The following CCSER2 variants were observed in gnomAD, a reference collection of about 807,000 sequenced individuals.
CCSER2 encodes coiled-coil serine rich protein 2, also known as serine-rich coiled-coil domain-containing protein 2.
CCSER2 carries 46 observed loss-of-function variants against 92.3 expected under a neutral mutation model. The observed-to-expected ratio is 0.50, with a 90% CI of 0.39 to 0.64. The LOEUF is 0.64. Among genes scored for constraint, CCSER2 ranks in the 30% least tolerant of loss-of-function variants. The pLI is 0.00. For missense variants in CCSER2, 1,244 were observed against 1,238.9 expected (o/e 1.00, Z -0.06); for synonymous variants, 433 against 431.4 (o/e 1.00, Z -0.04).
At chr10:84,466,396 C>T (rs977947527) in intron 7 of CCSER2, among the ~76,000 whole-genome samples, 6 of 152,194 alleles carry the variant, frequency 3.9e-5, no homozygotes, top group Non-Finnish European at 5.9e-5. Context: ...TAGCTCTCTC[C>T]AAGTTCCATG....
rs138614490 is a variant in CCSER2, at chr10:84,488,519, T to C, written c.2325+10855T>C. Among the ~76,000 whole-genome samples, 124 of 152,352 alleles carry C rather than the reference T, an allele frequency of 8.1e-4. 1 individual carries two copies. The highest frequency in any genetic ancestry group is 2.8e-3 in the African/African-American group (116 of 41,588). On this transcript the variant is annotated intron_variant, in intron 9 of 9. Coordinates refer to ENST00000372088, the MANE Select transcript of CCSER2 (RefSeq NM_001284240.2). ...TCCATTTCTTTTAGATTTTCTAGTT[T>C]ATTTGCATAGAGGTGTTTATGGTAT...
At chr10:84,439,198 C>CTTTTTTTTTTTTTTTTTTTTTTT (rs10654679) in intron 6 of CCSER2, among the ~76,000 whole-genome samples, 1 of 139,796 alleles carries the variant, frequency 7.2e-6, no homozygotes. Context: ...TTTTTCTTTT[C>CTTTTTTTTTTTTTTTTTTTTTTT]TTTTTTTTTT....
intron 1 of CCSER2, among the ~76,000 whole-genome samples, chr10:84,348,470 AGAGAGGGAGAGGGAGACCGTGGG>A (rs1198648798): frequency 9.2e-5 from 14 of 151,678 alleles, no homozygotes; most frequent in African/African-American, 2.7e-4. Flanking sequence ...GACCATGGAA[AGAGAGGGAGAGGGAGACCGTGGG>A]GAGAGGAAGA....
intron 3 of CCSER2, among the ~76,000 whole-genome samples, chr10:84,392,316 C>CAAAAAAAAAA (rs71473611): frequency 5.0e-4 from 27 of 53,794 alleles, no homozygotes; most frequent in South Asian, 1.9e-3. Context: ...TCTGAAGAAG[C>CAAAAAAAAAA]AAAAAAAAAA....
At chr10:84,386,849 C>A (rs1021463141) in intron 3 of CCSER2, among the ~76,000 whole-genome samples, 4 of 152,188 alleles carry the variant, frequency 2.6e-5, no homozygotes, top group Non-Finnish European at 2.9e-5. Context: ...AAATCATATA[C>A]TGCATGTTCT....
intron 6 of CCSER2, among the ~76,000 whole-genome samples, chr10:84,457,295 A>ATATAT (rs1845739028): frequency 1.3e-5 from 1 of 77,788 alleles, no homozygotes; most frequent in South Asian, 3.0e-4. Context: ...ATTATATATT[A>ATATAT]TATATAATAT....
At chr10:84,448,460 A>G (rs1232203823) in intron 6 of CCSER2, among the ~76,000 whole-genome samples, 3 of 152,066 alleles carry the variant, frequency 2.0e-5, no homozygotes, top group Admixed American at 1.3e-4. Context: ...CTTTCAACCT[A>G]CTTAGGCTCT....
chr10:84,371,158 G>A lies in CCSER2; in HGVS notation c.106G>A (p.Val36Ile). 1 of 1,613,456 alleles carries A rather than the reference G, an allele frequency of 6.2e-7. No individual in the cohort carries two copies. Among genetic ancestry groups the A allele is most frequent in the Non-Finnish European group, 8.5e-7 (1 of 1,179,710 alleles). Residue 36 changes from valine to isoleucine, a missense_variant, in exon 2 of 10, where the codon GTT becomes ATT. Physicochemically the swap from Val to Ile is conservative, Grantham distance 29. Coordinates refer to ENST00000372088, the MANE Select transcript of CCSER2 (RefSeq NM_001284240.2). ...TLQPMPNGTP[V>I]NLLGTSKNSN... ...GCAGCCAATGCCAAATGGGACACCT[G>A]TTAATTTATTAGGAACTTCCAAGAA...
intron 4 of CCSER2, among the ~76,000 whole-genome samples, chr10:84,422,994 G>A (rs1843227973): frequency 6.6e-6 from 1 of 151,656 alleles, no homozygotes; most frequent in African/African-American, 2.4e-5. Context: ...GGCGGAGGCT[G>A]CAGTGAGGCA....
At chr10:84,345,723 C>T (rs1844439263) in intron 1 of CCSER2, among the ~76,000 whole-genome samples, 1 of 152,108 alleles carries the variant, frequency 6.6e-6, no homozygotes, top group South Asian at 2.1e-4. Flanking sequence ...ACCAATTGAA[C>T]TGTGGGTTAA....
intron 9 of CCSER2, among the ~76,000 whole-genome samples, chr10:84,489,773 C>G (rs1377187025): frequency 6.6e-6 from 1 of 152,114 alleles, no homozygotes; most frequent in East Asian, 1.9e-4. Flanking sequence ...TGAATTTGAT[C>G]CTGGCATTAT....
At chr10:84,343,160 GCCT>G (rs1844299553) in intron 1 of CCSER2, among the ~76,000 whole-genome samples, 1 of 152,174 alleles carries the variant, frequency 6.6e-6, no homozygotes. Flanking sequence ...AAGCCATTAT[GCCT>G]GGCCCTGTTT....
intron 1 of CCSER2, among the ~76,000 whole-genome samples, chr10:84,348,336 C>T (rs1425257150): frequency 2.6e-5 from 4 of 152,230 alleles, no homozygotes; most frequent in African/African-American, 9.6e-5. Context: ...CCTGCAATCG[C>T]AGGCACTCGG....
intron 3 of CCSER2, among the ~76,000 whole-genome samples, chr10:84,383,750 ATAT>A (rs528916088): frequency 3.3e-5 from 5 of 152,330 alleles, no homozygotes; most frequent in East Asian, 1.9e-4. Context: ...TGGTGAGATC[ATAT>A]TGTTGTTGCT....
At chr10:84,366,115 T>C (rs758071847) in intron 1 of CCSER2, among the ~76,000 whole-genome samples, 6 of 152,134 alleles carry the variant, frequency 3.9e-5, no homozygotes, top group Non-Finnish European at 7.3e-5. Context: ...ATTTTAATGT[T>C]AAATTTTTAG....
intron 9 of CCSER2, among the ~76,000 whole-genome samples, chr10:84,483,082 T>C (rs11201060): frequency 0.36 from 54,178 of 151,460 alleles, 11,548 homozygotes; most frequent in East Asian, 0.5. Flanking sequence ...AGTTCAGCAA[T>C]TGGAATATGG....
intron 9 of CCSER2, chr10:84,499,973 TCTCA>T (rs766759902): frequency 9.9e-6 from 16 of 1,613,468 alleles, no homozygotes; most frequent in East Asian, 2.2e-5. Flanking sequence ...AGTCTGTGTC[TCTCA>T]CTCCTATCCT....
At chr10:84,366,120 T>A (rs1265060448) in intron 1 of CCSER2, among the ~76,000 whole-genome samples, 1 of 152,132 alleles carries the variant, frequency 6.6e-6, no homozygotes, top group Non-Finnish European at 1.5e-5. Context: ...AATGTTAAAT[T>A]TTTAGTAGAG....
At chr10:84,391,933 G>A (rs1269822845) in intron 3 of CCSER2, 21 of 1,329,282 alleles carry the variant, frequency 1.6e-5, no homozygotes, top group Non-Finnish European at 2.2e-5. Flanking sequence ...AGACACATTC[G>A]GTGTAAGATC....
Sources: allele counts gnomAD v4.1 joint callset (sites outside exome capture counted in the v4.1 genomes callset), GRCh38; gene constraint gnomAD v4.1.1; transcripts MANE v1.5; gene names NCBI Gene and HGNC (gene_info 2026-07-23, HGNC 2026-07-21).